STK32C: variants seen among roughly 807,000 people sequenced by gnomAD.
STK32C encodes serine/threonine-protein kinase 32C.
A neutral mutation model predicts 56.5 loss-of-function variants in STK32C; 31 were observed. The ratio of observed to expected loss-of-function variants is 0.55; its 90% CI spans 0.41 to 0.74. The LOEUF is 0.74. Ranked by LOEUF, STK32C falls within the 30% of genes least tolerant of loss-of-function variation. STK32C has a pLI of 0.00. For missense variants in STK32C, 544 were observed against 676.9 expected (o/e 0.80, Z 2.18); for synonymous variants, 309 against 289.4 (o/e 1.07, Z -0.69).
chr10:132,246,275 T>C (rs1478471389), intron 1 of STK32C, among the ~76,000 whole-genome samples: 2 of 152,194 alleles, frequency 1.3e-5, no homozygotes, highest in Non-Finnish European at 2.9e-5. Context: ...TGGGCTGTCT[T>C]CCCAGGCACC....
downstream of STK32C, among the ~76,000 whole-genome samples, chr10:132,322,812 A>T (rs753127678): frequency 1.3e-5 from 2 of 152,154 alleles, no homozygotes; most frequent in Admixed American, 6.5e-5. Flanking sequence ...CCTGGGGTGG[A>T]GGTCGTGGTT....
chr10:132,288,481 C>T (rs566338923), intron 1 of STK32C, among the ~76,000 whole-genome samples: 1 of 152,324 alleles, frequency 6.6e-6, no homozygotes, highest in East Asian at 1.9e-4. Flanking sequence ...GCTGGACTTC[C>T]TGTAAAGGGT....
intron 2 of STK32C, among the ~76,000 whole-genome samples, chr10:132,239,935 A>G (rs2137862880): frequency 6.6e-6 from 1 of 152,328 alleles, no homozygotes; most frequent in African/African-American, 2.4e-5. Context: ...AGCAACCCCC[A>G]GCACACCCAG....
intron 2 of STK32C, among the ~76,000 whole-genome samples, chr10:132,239,244 C>G (rs912402213): frequency 2.6e-5 from 4 of 152,140 alleles, no homozygotes; most frequent in Non-Finnish European, 5.9e-5. Flanking sequence ...GTCCTGGGGC[C>G]CTCGGTCCAG....
At position 132,246,559 on chromosome 10, in the gene STK32C, C is replaced by T. The variant is rs548861713; in HGVS notation, c.263-604G>A. 1.3e-4 allele frequency among the ~76,000 whole-genome samples: 20 copies of T among 152,306 alleles called. No individual in the cohort carries two copies. The South Asian group carries it at 2.3e-3, about 17-fold the overall frequency. ...GTAGCCTGGGAGAGCCTGCGCCCAG[C>T]ATGAGAGCCGTTCCGCAAGCCTGTG... On this transcript the variant is annotated intron_variant, in intron 1 of 11. Coordinates refer to ENST00000298630, the MANE Select transcript of STK32C (RefSeq NM_173575.4).
At chr10:132,273,114 ATTTG>A (rs1213316464) in intron 1 of STK32C, among the ~76,000 whole-genome samples, 2 of 152,126 alleles carry the variant, frequency 1.3e-5, no homozygotes. Flanking sequence ...CCTCAACAGT[ATTTG>A]TTTGTTAACA....
At chr10:132,298,938 TA>T (rs1243755668) in intron 1 of STK32C, among the ~76,000 whole-genome samples, 17 of 152,060 alleles carry the variant, frequency 1.1e-4, no homozygotes, top group Admixed American at 1.1e-3. Context: ...TCAGAAACGA[TA>T]AGATGGAGCT....
chr10:132,231,029 A>AC (rs2063082965), intron 2 of STK32C, among the ~76,000 whole-genome samples: 1 of 151,896 alleles, frequency 6.6e-6, no homozygotes, highest in African/African-American at 2.4e-5. Context: ...ACAGGACCTC[A>AC]CCCTCCTGCC....
rs866016437 is a variant in STK32C, at chr10:132,318,003, C to G, written c.301+13433G>C. Among the ~76,000 whole-genome samples the G allele has an allele frequency of 3.4e-5, 5 of 147,146 alleles. No homozygotes were observed. In the South Asian group the frequency reaches 8.7e-4, roughly 26 times the overall value. ...AAAAAAAAAAGTCTGGGCACAGTGG[C>G]TCACACCTGTAATCTCAGCACTTTG... On this transcript the variant is annotated intron_variant, in intron 1 of 3. Coordinates refer to the STK32C transcript ENST00000368620.
At chr10:132,331,463 C>T in exon 1 of STK32C, 1 of 1,612,454 alleles carries the variant, frequency 6.2e-7, no homozygotes, top group Non-Finnish European at 8.5e-7. Context: ...CTCACTCCTC[C>T]GTCCAGAGGC....
chr10:132,308,677 C>A (rs142167679), upstream of STK32C, among the ~76,000 whole-genome samples: 1,272 of 152,208 alleles, frequency 8.4e-3, 11 homozygotes, highest in Non-Finnish European at 0.014. Context: ...ACCCCCGTGC[C>A]ATCCTCGCGA....
Position 132,247,522 on chromosome 10 carries a change from G to A in STK32C, c.263-1567C>T, listed in dbSNP as rs578119709. 2.3e-3 allele frequency among the ~76,000 whole-genome samples: 355 copies of A among 152,302 alleles called. 1 individual carries two copies. The highest frequency in any genetic ancestry group is 8.3e-3 in the African/African-American group (347 of 41,562). ...CTGAAGGCGCAGGGTGGCATCCTGG[G>A]GAGAGGACGCCTGTGCTGGGCCCTC... On this transcript the variant is annotated intron_variant, in intron 1 of 11. Coordinates refer to ENST00000298630, the MANE Select transcript of STK32C (RefSeq NM_173575.4).
At chr10:132,304,003 T>C (rs2065984536) in intron 1 of STK32C, among the ~76,000 whole-genome samples, 1 of 152,170 alleles carries the variant, frequency 6.6e-6, no homozygotes, top group Admixed American at 6.5e-5. Flanking sequence ...CCATAAACAA[T>C]GCTCAGAGAG....
chr10:132,266,555 T>C (rs1024060332), intron 1 of STK32C, among the ~76,000 whole-genome samples: 2 of 152,070 alleles, frequency 1.3e-5, no homozygotes, highest in African/African-American at 4.8e-5. Flanking sequence ...TTTCAGGAAA[T>C]GGGTGTTTAC....
intron 1 of STK32C, among the ~76,000 whole-genome samples, chr10:132,326,657 TGTCTAA>T (rs2066504820): frequency 6.6e-6 from 1 of 152,240 alleles, no homozygotes; most frequent in Admixed American, 6.5e-5. Context: ...CTGGTGAGTC[TGTCTAA>T]CCCCAAAAGG....
At chr10:132,208,463 A>C (rs923662) in intron 11 of STK32C, among the ~76,000 whole-genome samples, 1 of 152,092 alleles carries the variant, frequency 6.6e-6, no homozygotes, top group Non-Finnish European at 1.5e-5. Flanking sequence ...TCACCCGGTC[A>C]TCTGATCCCC....
chr10:132,250,883 C>A (rs1475561830), intron 1 of STK32C, among the ~76,000 whole-genome samples: 3 of 152,232 alleles, frequency 2.0e-5, no homozygotes, highest in Non-Finnish European at 4.4e-5. Flanking sequence ...CCCCCAAAAC[C>A]AATCCCTGCC....
intron 10 of STK32C, among the ~76,000 whole-genome samples, chr10:132,216,872 G>T (rs1178845136): frequency 6.6e-6 from 1 of 152,262 alleles, no homozygotes; most frequent in African/African-American, 2.4e-5. Context: ...GCATTTCAGA[G>T]GATGTATGGA....
intron 1 of STK32C, among the ~76,000 whole-genome samples, chr10:132,246,543 G>A (rs185729039): frequency 6.6e-6 from 1 of 152,322 alleles, no homozygotes; most frequent in African/African-American, 2.4e-5. Context: ...TGTAGCCTGG[G>A]AGAGCCTGCG....
Sources: gnomAD v4.1 joint callset for allele counts (sites outside exome capture counted in the v4.1 genomes callset) on GRCh38, gnomAD v4.1.1 for gene constraint, MANE v1.5 for transcripts, NCBI Gene and HGNC (gene_info 2026-07-23, HGNC 2026-07-21) for gene names.